The following ULK4 variants were observed in gnomAD, a reference collection of about 807,000 sequenced individuals.
The protein encoded by ULK4 is inactive serine/threonine-protein kinase ULK4.
In ULK4, 133 loss-of-function variants were observed where a neutral mutation model predicts 160.6. The observed-to-expected ratio is 0.83, with a 90% CI of 0.72 to 0.96. The LOEUF is 0.96. ULK4 is among the 40% of genes least tolerant of loss of function. The pLI is 0.00. For synonymous variants in ULK4, 534 were observed against 539.8 expected, an observed-to-expected ratio of 0.99 and a Z score of 0.15; for missense variants, 1,580 against 1,499.5, an observed-to-expected ratio of 1.05 and a Z score of -0.89.
chr3:41,513,951 A>G (rs891736888), intron 32 of ULK4, among the ~76,000 whole-genome samples: 1 of 152,168 alleles, frequency 6.6e-6, no homozygotes, highest in Non-Finnish European at 1.5e-5. Flanking sequence ...TGTTCCCTAA[A>G]AATCTATTGA....
chr3:41,321,204 A>G (rs1430559255), intron 35 of ULK4, among the ~76,000 whole-genome samples: 1 of 152,170 alleles, frequency 6.6e-6, no homozygotes, highest in Non-Finnish European at 1.5e-5. Context: ...GGGTGGTAAC[A>G]GCCTCAAAAA....
At chr3:41,550,545 A>G (rs1308561505) in intron 32 of ULK4, among the ~76,000 whole-genome samples, 2 of 152,190 alleles carry the variant, frequency 1.3e-5, no homozygotes, top group East Asian at 3.9e-4. Context: ...AAAAGAAACA[A>G]GATCATTACA....
At chr3:41,852,157 G>A (rs564013962) in intron 17 of ULK4, among the ~76,000 whole-genome samples, 4 of 152,144 alleles carry the variant, frequency 2.6e-5, no homozygotes, top group South Asian at 2.1e-4. Flanking sequence ...TAAATTCCTC[G>A]ACACATACAC....
chr3:41,444,118 G>A (rs1446640286), intron 34 of ULK4, among the ~76,000 whole-genome samples: 1 of 152,086 alleles, frequency 6.6e-6, no homozygotes, highest in East Asian at 1.9e-4. Context: ...TTTCGATACA[G>A]ACCAATTAAT....
At chr3:41,737,734 C>T (rs189806251) in intron 22 of ULK4, among the ~76,000 whole-genome samples, 25 of 152,090 alleles carry the variant, frequency 1.6e-4, no homozygotes, top group Admixed American at 1.4e-3. Context: ...GAATCCTCAG[C>T]AAACTCATCG....
chr3:41,370,555 G>A (rs77772592), intron 35 of ULK4, among the ~76,000 whole-genome samples: 7,055 of 152,252 alleles, frequency 0.046, 387 homozygotes, highest in East Asian at 0.21. Context: ...AAGGGCAAGG[G>A]GTTGGGGAAC....
chr3:41,668,926 T>C (rs940867063), intron 29 of ULK4, among the ~76,000 whole-genome samples: 1 of 152,068 alleles, frequency 6.6e-6, no homozygotes, highest in African/African-American at 2.4e-5. Context: ...AAAACCACCA[T>C]AAACAAACCA....
chr3:41,342,981 T>C (rs1033022058), intron 35 of ULK4, among the ~76,000 whole-genome samples: 3 of 152,204 alleles, frequency 2.0e-5, no homozygotes, highest in Non-Finnish European at 4.4e-5. Flanking sequence ...CATCCCTTCA[T>C]GTTAAAAACT....
intron 32 of ULK4, among the ~76,000 whole-genome samples, chr3:41,545,027 T>C (rs553377908): frequency 6.6e-6 from 1 of 152,340 alleles, no homozygotes; most frequent in East Asian, 1.9e-4. Context: ...TGCAAGCCTG[T>C]GGTAACTTGG....
At position 41,383,607 on chromosome 3, in the gene ULK4, C is replaced by A. The variant is rs78602042; in HGVS notation, c.3678+14472G>T. 6.7e-3 allele frequency among the ~76,000 whole-genome samples: 1,016 copies of A among 152,270 alleles called. 4 individuals are homozygous for A. Among genetic ancestry groups the A allele is most frequent in the East Asian group, 0.015 (78 of 5,176 alleles). ...ATCAGGAAAACGCCATAGGAACTTA[C>A]AATTACTATTATTAGAACCAGATAA... On this transcript the variant is annotated intron_variant, in intron 35 of 36. Transcript: ENST00000301831.
Position 41,851,698 on chromosome 3 carries a change from C to T in ULK4, c.1657-15727G>A, listed in dbSNP as rs1294543623. ...TCTGGTAGAATTTGGCTGAAACCAA[C>T]GAGAACAAAGACACAACATACCAGA... On this transcript the variant is annotated intron_variant, in intron 17 of 36. Transcript: ENST00000301831. Among the ~76,000 whole-genome samples, 11 of 152,062 alleles carry T rather than the reference C, an allele frequency of 7.2e-5. No individual in the cohort carries two copies. In the East Asian group the frequency reaches 7.7e-4, roughly 11 times the overall value.
chr3:41,848,976 T>G (rs576769805), intron 17 of ULK4, among the ~76,000 whole-genome samples: 5 of 152,154 alleles, frequency 3.3e-5, no homozygotes, highest in Non-Finnish European at 5.9e-5. Context: ...GTGGAAATGA[T>G]GTATGTATTC....
intron 35 of ULK4, among the ~76,000 whole-genome samples, chr3:41,396,144 A>G (rs766367277): frequency 6.6e-6 from 1 of 152,138 alleles, no homozygotes; most frequent in African/African-American, 2.4e-5. Context: ...AAAAACACAT[A>G]CGGTAGCAAA....
intron 32 of ULK4, among the ~76,000 whole-genome samples, chr3:41,516,589 C>T (rs1022058236): frequency 2.7e-5 from 4 of 150,314 alleles, no homozygotes; most frequent in Non-Finnish European, 4.4e-5. Context: ...CACAGAAAGG[C>T]AAACATCACA....
chr3:41,898,408 T>G, intron 14 of ULK4, 24 bp downstream of exon 14: 1 of 1,479,328 alleles, frequency 6.8e-7, no homozygotes, highest in Non-Finnish European at 9.2e-7. Context: ...GTCTACATGT[T>G]CGATAAGTCC....
intron 30 of ULK4, among the ~76,000 whole-genome samples, chr3:41,644,637 T>C (rs1361085875): frequency 5.9e-5 from 9 of 152,126 alleles, no homozygotes; most frequent in Non-Finnish European, 8.8e-5. Flanking sequence ...TCATCAGGGA[T>C]ATTGGTCTAA....
At chr3:41,893,101 AAGAT>A (rs1238426613) in intron 16 of ULK4, among the ~76,000 whole-genome samples, 1 of 152,210 alleles carries the variant, frequency 6.6e-6, no homozygotes, top group African/African-American at 2.4e-5. Context: ...CAAATTCACA[AAGAT>A]AGAATAAGTA....
At chr3:41,950,301 T>C (rs944381099) in intron 2 of ULK4, among the ~76,000 whole-genome samples, 9 of 151,888 alleles carry the variant, frequency 5.9e-5, no homozygotes, top group Non-Finnish European at 1.0e-4. Flanking sequence ...AGTGCAGTGG[T>C]GCAATCTTGG....
intron 17 of ULK4, among the ~76,000 whole-genome samples, chr3:41,844,412 G>T (rs1412914920): frequency 6.6e-6 from 1 of 152,130 alleles, no homozygotes; most frequent in Non-Finnish European, 1.5e-5. Flanking sequence ...GCTGGCCCAG[G>T]TGCTAAGCTC....
Sources: allele counts gnomAD v4.1 joint callset (sites outside exome capture counted in the v4.1 genomes callset), GRCh38; gene constraint gnomAD v4.1.1; transcripts MANE v1.5; gene names NCBI Gene and HGNC (gene_info 2026-07-23, HGNC 2026-07-21).